The following ACOX2 variants were observed in gnomAD, a reference collection of about 807,000 sequenced individuals.
ACOX2 encodes the protein peroxisomal acyl-coenzyme A oxidase 2.
ACOX2 carries 59 observed loss-of-function variants against 77.5 expected under a neutral mutation model. That is an observed-to-expected ratio of 0.76 (90% CI 0.62 to 0.95). ACOX2 has a LOEUF of 0.95. Ranked by LOEUF, ACOX2 falls within the 40% of genes least tolerant of loss-of-function variation. The pLI, the probability that ACOX2 is intolerant of heterozygous loss-of-function variation, is 0.00. For missense variants in ACOX2, 837 were observed against 880.4 expected (o/e 0.95, Z 0.62); for synonymous variants, 317 against 340.1 (o/e 0.93, Z 0.75).
Position 58,522,105 on chromosome 3 carries a change from G to C in ACOX2, c.1632+391C>G, listed in dbSNP as rs1458422195. 1.3e-5 allele frequency among the ~76,000 whole-genome samples: 2 copies of C among 152,176 alleles called. No homozygotes were observed. Among genetic ancestry groups the C allele is most frequent in the African/African-American group, 4.8e-5 (2 of 41,438 alleles). Reference sequence around the variant, plus strand: ...GTTGAGCACCCAGGTCAGTGCCCAGGGCAGAGTGGGTGCTCAAATATTTGC... The same window carrying C: ...GTTGAGCACCCAGGTCAGTGCCCAGCGCAGAGTGGGTGCTCAAATATTTGC... On this transcript the variant is annotated intron_variant, in intron 12 of 14. Coordinates refer to ENST00000302819, the MANE Select transcript of ACOX2 (RefSeq NM_003500.4). The surrounding 1 kb of genome is among the most constrained non-coding windows in gnomAD (Gnocchi z 4.3).
In ACOX2 at chr3:58,535,113, C is replaced by T. The variant is rs745837500; in HGVS notation, c.-7G>A. 6.2e-7 allele frequency: 1 copy of T among 1,614,202 alleles called. No homozygotes were observed. ...GGTGCACTGGGCTGCCCATCCTATC[C>T]TGGATCTGTCTGGTGACTATGGAGA... On this transcript the variant is annotated 5_prime_UTR_variant, in exon 2 of 15. Transcript: ENST00000302819. This position sits in a 1 kb window ranked among gnomAD's most constrained non-coding sequence, Gnocchi z 4.8.
At chr3:58,507,857 T>C (rs936155436) in intron 14 of ACOX2, among the ~76,000 whole-genome samples, 1 of 152,194 alleles carries the variant, frequency 6.6e-6, no homozygotes, top group Non-Finnish European at 1.5e-5. Flanking sequence ...CCATGTGGTA[T>C]GACAGGCTGC....
Position 58,534,093 on chromosome 3 carries a change from G to T in ACOX2, c.376C>A (p.Leu126Ile). The T allele has an allele frequency of 6.2e-7, 1 of 1,614,166 alleles. No homozygotes were observed. Among genetic ancestry groups the T allele is most frequent in the Non-Finnish European group, 8.5e-7 (1 of 1,180,032 alleles). The change falls in exon 4 of 15, where the codon CTC (leucine) becomes ATC (isoleucine). Residue 126 changes from leucine to isoleucine, a missense_variant. Physicochemically the swap from Leu to Ile is conservative, Grantham distance 5. Coordinates refer to ENST00000302819, the MANE Select transcript of ACOX2 (RefSeq NM_003500.4). The surrounding 1 kb of genome is among the most constrained non-coding windows in gnomAD (Gnocchi z 4.8). ...TGCTCCTCTGAGCCCAGGCTCCTGA[G>T]GGCTCTCACGAAGACTCTGTGTATA... ...LNIHRVFVRA[L>I]RSLGSEEQIA...
intron 13 of ACOX2, 115 bp downstream of exon 13, chr3:58,517,091 C>T: frequency 9.4e-7 from 1 of 1,064,698 alleles, no homozygotes; most frequent in South Asian, 1.5e-5. Flanking sequence ...GTAGACCTCT[C>T]CAGGGCTGTT....
At position 58,531,183 on chromosome 3, in the gene ACOX2, C is replaced by G; in HGVS notation, c.819+68G>C. ...ACTAAGCTCTATGGAGGACCCAGGC[C>G]CAGCCTGCACAAAGCGCAGGTCCCC... is the stretch of plus-strand genomic sequence containing the variant. On this transcript the variant is annotated intron_variant, in intron 7 of 14. Transcript: ENST00000302819. The surrounding 1 kb of genome is among the most constrained non-coding windows in gnomAD (Gnocchi z 5.8). 6.9e-7 allele frequency: 1 copy of G among 1,453,650 alleles called. No homozygotes were observed. The highest frequency in any genetic ancestry group is 2.3e-5 in the East Asian group (1 of 43,508). The allele number at this position is 1,453,650 out of a possible 1,614,324, so 90.0% of individuals were successfully genotyped here.
intron 13 of ACOX2, chr3:58,511,685 T>A (rs552029961): frequency 6.6e-6 from 1 of 152,554 alleles, no homozygotes; most frequent in African/African-American, 2.4e-5. Context: ...GAAAAAAAAA[T>A]CCCCTCTCTA....
At position 58,534,439 on chromosome 3, in the gene ACOX2, G is replaced by A. The variant is rs200714050; in HGVS notation, c.244C>T (p.Arg82Trp). 60 of 1,614,142 alleles carry A rather than the reference G, an allele frequency of 3.7e-5. No homozygotes were observed. The highest frequency in any genetic ancestry group is 1.3e-4 in the African/African-American group (10 of 75,022). The change falls in exon 3 of 15, where the codon CGG becomes TGG. Residue 82 changes from arginine to tryptophan, a missense_variant. By Grantham distance (101) the Arg-to-Trp change is moderately radical. Transcript: ENST00000302819. The surrounding 1 kb of genome is among the most constrained non-coding windows in gnomAD (Gnocchi z 4.8). The part of the protein sequence containing the change: ...TQNERYKAAM[R>W]RAFHIRLIAR... ...ATCAACCGGATGTGGAATGCCCTCC[G>A]CATGGCAGCCTTATAACGCTCATTC...
In ACOX2 at chr3:58,515,319, C is replaced by A. The variant is rs2063314742; in HGVS notation, c.1850+1887G>T. On this transcript the variant is annotated intron_variant, in intron 13 of 14. Coordinates refer to ENST00000302819, the MANE Select transcript of ACOX2 (RefSeq NM_003500.4). The surrounding 1 kb of genome is among the most constrained non-coding windows in gnomAD (Gnocchi z 4.0). ...TGCAGGTATTAGCCACCGCGCCTGG[C>A]CTGAACAAACATTTTTTTGACCACC... 1.3e-5 allele frequency among the ~76,000 whole-genome samples: 2 copies of A among 152,056 alleles called. No homozygotes were observed. Among genetic ancestry groups the A allele is most frequent in the South Asian group, 2.1e-4 (1 of 4,818 alleles).
rs1266462691 is a variant in ACOX2, at chr3:58,510,655, A to AT, written c.1851-1631_1851-1630insA. Among the ~76,000 whole-genome samples, 258 of 40,600 alleles carry AT rather than the reference A, an allele frequency of 6.4e-3. 18 individuals carry two copies. The highest frequency in any genetic ancestry group is 9.7e-3 in the Non-Finnish European group (219 of 22,578). 26.6% of individuals were successfully genotyped at this position (40,600 alleles called of 152,430 possible). A position where few individuals can be genotyped will look rare whatever the true frequency, so the allele number is the denominator to read the frequency against. Reference sequence around the variant, plus strand: ...CTCAAAAAAAAAAAAAAAAAAAAAAAAAAAAAAAATATATATATATATATA... The same window carrying AT: ...CTCAAAAAAAAAAAAAAAAAAAAAAATAAAAAAAAATATATATATATATATA... On this transcript the variant is annotated intron_variant, in intron 13 of 14. Transcript: ENST00000302819.
At chr3:58,536,161 C>G (rs1225244717) in intron 1 of ACOX2, among the ~76,000 whole-genome samples, 1 of 152,126 alleles carries the variant, frequency 6.6e-6, no homozygotes, top group Non-Finnish European at 1.5e-5. Context: ...TCCACTCATT[C>G]TCTTCCTACC....
chr3:58,531,432 T>G lies in ACOX2; in HGVS notation c.704-66A>C. 6.9e-7 allele frequency: 1 copy of G among 1,448,480 alleles called. No homozygotes were observed. Among genetic ancestry groups the G allele is most frequent in the Non-Finnish European group, 9.6e-7 (1 of 1,037,274 alleles). The allele number at this position is 1,448,480 out of a possible 1,614,324, so 89.7% of individuals were successfully genotyped here. Reference sequence around the variant, plus strand: ...AGTGCTTGCTATGTGGCAGGTATCATACACACATTCCAGGTCACAGCAGCC... The same window carrying G: ...AGTGCTTGCTATGTGGCAGGTATCAGACACACATTCCAGGTCACAGCAGCC... On this transcript the variant is annotated intron_variant, in intron 6 of 14. Coordinates refer to ENST00000302819, the MANE Select transcript of ACOX2 (RefSeq NM_003500.4). This position sits in a 1 kb window ranked among gnomAD's most constrained non-coding sequence, Gnocchi z 5.8.
chr3:58,505,743 G>T lies in ACOX2; in HGVS notation c.1984-457C>A, dbSNP rs188519692. 9.7e-4 allele frequency among the ~76,000 whole-genome samples: 148 copies of T among 151,826 alleles called. No individual in the cohort carries two copies. Among genetic ancestry groups the T allele is most frequent in the African/African-American group, 3.5e-3 (144 of 41,492 alleles). On this transcript the variant is annotated intron_variant, in intron 14 of 14. Transcript: ENST00000302819. The surrounding 1 kb of genome is among the most constrained non-coding windows in gnomAD (Gnocchi z 4.4). ...CTTTTATAATATTTACTTTGTGTGT[G>T]TGTGTGTGCCTGTCTACACTAAAAC...
chr3:58,535,009 A>C lies in ACOX2; in HGVS notation c.98T>G (p.Val33Gly), dbSNP rs754163056. The C allele has an allele frequency of 6.2e-7, 1 of 1,614,234 alleles. No individual in the cohort carries two copies. The highest frequency in any genetic ancestry group is 8.5e-7 in the Non-Finnish European group (1 of 1,180,038). ...ATCAAGGATGTTGGTGAGCCGTTCCACGTCAAAGGACTGCATATACCTCTC... is the reference window on the plus strand; with the variant it reads ...ATCAAGGATGTTGGTGAGCCGTTCCCCGTCAAAGGACTGCATATACCTCTC... ...ESERYMQSFD[V>G]ERLTNILDGG... The change falls in exon 2 of 15, where the codon GTG becomes GGG. Residue 33 changes from valine to glycine, a missense_variant. Physicochemically the swap from Val to Gly is moderately radical, Grantham distance 109. Coordinates refer to ENST00000302819, the MANE Select transcript of ACOX2 (RefSeq NM_003500.4). This position sits in a 1 kb window ranked among gnomAD's most constrained non-coding sequence, Gnocchi z 4.8.
rs2063394099 is a variant in ACOX2, at chr3:58,526,361, C to A, written c.1346+105G>T. On this transcript the variant is annotated intron_variant, in intron 10 of 14. Coordinates refer to ENST00000302819, the MANE Select transcript of ACOX2 (RefSeq NM_003500.4). The surrounding 1 kb of genome is among the most constrained non-coding windows in gnomAD (Gnocchi z 4.3). ...TGGACAGCTCCCAAATAGCACTTCG[C>A]AAAGCCTGCTCTTTTTATGGGCCTC... The A allele has an allele frequency of 2.2e-6, 3 of 1,346,998 alleles. No homozygotes were observed. The Admixed American group carries it at 8.3e-5, about 37-fold the overall frequency. 83.4% of individuals were successfully genotyped at this position (1,346,998 alleles called of 1,614,324 possible). A position where few individuals can be genotyped will look rare whatever the true frequency, so the allele number is the denominator to read the frequency against.
At position 58,533,896 on chromosome 3, in the gene ACOX2, C is replaced by T. The variant is rs2063458848; in HGVS notation, c.475+98G>A. 6.8e-7 allele frequency: 1 copy of T among 1,460,896 alleles called. No homozygotes were observed. Among genetic ancestry groups the T allele is most frequent in the East Asian group, 2.3e-5 (1 of 43,854 alleles). The allele number at this position is 1,460,896 out of a possible 1,614,324, so 90.5% of individuals were successfully genotyped here. ...ATGTTTTCTTATTAAACATATGTCC[C>T]TCGGAGCATATGAACCTATGACTAC... On this transcript the variant is annotated intron_variant, in intron 4 of 14. Transcript: ENST00000302819. The surrounding 1 kb of genome is among the most constrained non-coding windows in gnomAD (Gnocchi z 5.6).
At chr3:58,527,582 A>G (rs1435791909) in intron 9 of ACOX2, among the ~76,000 whole-genome samples, 1 of 151,256 alleles carries the variant, frequency 6.6e-6, no homozygotes, top group Non-Finnish European at 1.5e-5. Flanking sequence ...CCATTTGAGG[A>G]CACAGCAAAA....
At chr3:58,517,095 G>A in intron 13 of ACOX2, 111 bp downstream of exon 13, 1 of 1,092,600 alleles carries the variant, frequency 9.2e-7, no homozygotes, top group East Asian at 2.5e-5. Context: ...ACCTCTCCAG[G>A]GCTGTTGCTG....
In ACOX2 at chr3:58,521,305, C is replaced by T. The variant is rs113274558; in HGVS notation, c.1632+1191G>A. Among the ~76,000 whole-genome samples, 1 of 152,302 alleles carries T rather than the reference C, an allele frequency of 6.6e-6. No individual in the cohort carries two copies. Among genetic ancestry groups the T allele is most frequent in the African/African-American group, 2.4e-5 (1 of 41,550 alleles). ...CCTGTCCCACGAGGGCCTCTGCAGC[C>T]CTTCAGGGCTCTCCTGTTCCAAGGC... On this transcript the variant is annotated intron_variant, in intron 12 of 14. Coordinates refer to ENST00000302819, the MANE Select transcript of ACOX2 (RefSeq NM_003500.4). This position sits in a 1 kb window ranked among gnomAD's most constrained non-coding sequence, Gnocchi z 4.8.
At position 58,533,488 on chromosome 3, in the gene ACOX2, T is replaced by C; in HGVS notation, c.540A>G (p.Ile180Met). Residue 180 changes from isoleucine (I) to methionine (M), a missense_variant, in exon 5 of 15, where the codon ATA becomes ATG. By Grantham distance (10) the Ile-to-Met change is conservative. Transcript: ENST00000302819. This position sits in a 1 kb window ranked among gnomAD's most constrained non-coding sequence, Gnocchi z 5.6. The stretch of plus-strand genomic sequence containing the variant: ...TGGTGGCAGTCAGCGTGGGGCTGTG[T>C]ATCACAAACTCCTGGGTGGCTGCGT... ...TYDAATQEFVIHSPTLTATKW... is the reference protein window; with the variant it reads ...TYDAATQEFVMHSPTLTATKW... The C allele has an allele frequency of 6.2e-7, 1 of 1,613,944 alleles. No individual in the cohort carries two copies. The highest frequency in any genetic ancestry group is 8.5e-7 in the Non-Finnish European group (1 of 1,179,984).
Sources: gnomAD v4.1 joint callset for allele counts (sites outside exome capture counted in the v4.1 genomes callset) on GRCh38, gnomAD v4.1.1 for gene constraint, Gnocchi (gnomAD v3.1) non-coding constraint, MANE v1.5 for transcripts, NCBI Gene and HGNC (gene_info 2026-07-23, HGNC 2026-07-21) for gene names.